The following RIMBP2 variants were observed in gnomAD, a reference collection of about 807,000 sequenced individuals.
RIMBP2 encodes RIMS-binding protein 2.
RIMBP2 carries 48 observed loss-of-function variants against 118.6 expected under a neutral mutation model. The ratio of observed to expected loss-of-function variants is 0.40; its 90% CI spans 0.32 to 0.51. The LOEUF (loss-of-function observed/expected upper bound fraction) is 0.51, where lower values mean the gene tolerates loss of function less well. RIMBP2 is among the 20% of genes least tolerant of loss of function. The probability of loss-of-function intolerance (pLI) is 0.41; values close to 1 mark genes in which losing one functional copy is unlikely to be tolerated. For synonymous variants in RIMBP2, 762 were observed against 742.9 expected, an observed-to-expected ratio of 1.03 and a Z score of -0.42; for missense variants, 1,551 against 1,768.3, an observed-to-expected ratio of 0.88 and a Z score of 2.20.
intron 2 of RIMBP2, among the ~76,000 whole-genome samples, chr12:130,522,057 A>T (rs963968081): frequency 2.6e-5 from 4 of 152,236 alleles, no homozygotes; most frequent in African/African-American, 9.6e-5. Flanking sequence ...CCATCAGAGC[A>T]TTCTGGGATT....
At chr12:130,664,813 T>A (rs1359126983) in intron 1 of RIMBP2, among the ~76,000 whole-genome samples, 1 of 151,660 alleles carries the variant, frequency 6.6e-6, no homozygotes, top group Non-Finnish European at 1.5e-5. Context: ...AACCTTGGAA[T>A]AAAATAAGAA....
chr12:130,502,733 G>T (rs902328200), intron 4 of RIMBP2, among the ~76,000 whole-genome samples: 74 of 152,326 alleles, frequency 4.9e-4, no homozygotes, highest in African/African-American at 1.8e-3. Flanking sequence ...GCAGTTGAAT[G>T]TTGAGGTCTA....
chr12:130,615,993 C>T (rs1235185589), intron 2 of RIMBP2, among the ~76,000 whole-genome samples: 3 of 152,120 alleles, frequency 2.0e-5, no homozygotes, highest in African/African-American at 7.2e-5. Flanking sequence ...TTTGCTTTTT[C>T]ACCTCTGGCA....
rs896215475 is a variant in RIMBP2, at chr12:130,581,086, C to T, written c.-217+47236G>A. Among the ~76,000 whole-genome samples, 1 of 152,206 alleles carries T rather than the reference C, an allele frequency of 6.6e-6. No homozygotes were observed. Among genetic ancestry groups the T allele is most frequent in the Non-Finnish European group, 1.5e-5 (1 of 68,040 alleles). On this transcript the variant is annotated intron_variant, in intron 2 of 22. Transcript: ENST00000690449. The surrounding 1 kb of genome is among the most constrained non-coding windows in gnomAD (Gnocchi z 4.4). ...GTGGCCGCACCCTCATCCTGCCCTT[C>T]ACCTGCTCATATTCATGGGCCAGGC...
At chr12:130,527,318 T>A (rs935902270) in intron 2 of RIMBP2, among the ~76,000 whole-genome samples, 3 of 152,214 alleles carry the variant, frequency 2.0e-5, no homozygotes, top group African/African-American at 7.2e-5. Flanking sequence ...TTTCCCAGTG[T>A]CGGGGGAGGG....
intron 2 of RIMBP2, among the ~76,000 whole-genome samples, chr12:130,571,356 C>T (rs1479207390): frequency 2.0e-5 from 3 of 151,450 alleles, no homozygotes; most frequent in Non-Finnish European, 4.4e-5. Flanking sequence ...TTTTTGACCA[C>T]GTGTTCGCTG....
rs1566439298 is a variant in RIMBP2 at position 130,664,447 on chromosome 12, G to GCACACACACGTGCATGCACA, written c.-351-35992_-351-35991insTGTGCATGCACGTGTGTGTG. ...CACACACATGCATGCACGCACACAC[G>GCACACACACGTGCATGCACA]CACACACATGCACGCACACACACGC... On this transcript the variant is annotated intron_variant, in intron 1 of 22. Transcript: ENST00000690449. 4.1e-3 allele frequency among the ~76,000 whole-genome samples: 499 copies of GCACACACACGTGCATGCACA among 122,448 alleles called. 12 individuals carry two copies. The highest frequency in any genetic ancestry group is 6.8e-3 in the Non-Finnish European group (380 of 55,984). 80.3% of individuals were successfully genotyped at this position (122,448 alleles called of 152,430 possible). A position where few individuals can be genotyped will look rare whatever the true frequency, so the allele number is the denominator to read the frequency against.
chr12:130,682,367 G>A (rs531425819), intron 1 of RIMBP2, among the ~76,000 whole-genome samples: 2 of 152,332 alleles, frequency 1.3e-5, no homozygotes, highest in South Asian at 2.1e-4. Flanking sequence ...ACCACGTGGA[G>A]GAAGCCACTC....
intron 4 of RIMBP2, among the ~76,000 whole-genome samples, chr12:130,488,759 G>T (rs2082686704): frequency 6.6e-6 from 1 of 152,174 alleles, no homozygotes; most frequent in Non-Finnish European, 1.5e-5. Context: ...ATGAGAGATG[G>T]GTCAGGGAAG....
chr12:130,659,835 A>T (rs1454467480), intron 1 of RIMBP2, among the ~76,000 whole-genome samples: 6 of 151,946 alleles, frequency 3.9e-5, no homozygotes, highest in African/African-American at 1.2e-4. Context: ...TTAGCCAGGC[A>T]TGGTGGCATG....
chr12:130,444,365 A>G (rs1177880997), intron 10 of RIMBP2, among the ~76,000 whole-genome samples: 2 of 152,150 alleles, frequency 1.3e-5, no homozygotes, highest in Non-Finnish European at 2.9e-5. Context: ...AACACCCAGG[A>G]AAAGCACCTG....
Position 130,424,729 on chromosome 12 carries a change from G to A in RIMBP2, c.2542C>T (p.Leu848=). Reference sequence around the variant, plus strand: ...GACGGCCCTGCACCCTGCTTGTGTAGCAGCCCACAGCACTCTCCGTCCTCT... The same window carrying A: ...GACGGCCCTGCACCCTGCTTGTGTAACAGCCCACAGCACTCTCCGTCCTCT... The part of the protein sequence containing the change: ...AEEDGECCGL[L]HKQGAGPSPR... The change falls in exon 16 of 23, where the codon CTA becomes TTA. Residue 848 remains leucine (L), a synonymous_variant. Coordinates refer to ENST00000690449, the MANE Select transcript of RIMBP2 (RefSeq NM_001393629.1). The surrounding 1 kb of genome is among the most constrained non-coding windows in gnomAD (Gnocchi z 9.8). 2.4e-6 allele frequency: 3 copies of A among 1,232,256 alleles called. No individual in the cohort carries two copies. The highest frequency in any genetic ancestry group is 2.0e-6 in the Non-Finnish European group (2 of 988,050). The allele number at this position is 1,232,256 out of a possible 1,614,324, so 76.3% of individuals were successfully genotyped here.
At chr12:130,682,696 A>G (rs2064852822) in intron 1 of RIMBP2, among the ~76,000 whole-genome samples, 1 of 152,208 alleles carries the variant, frequency 6.6e-6, no homozygotes, top group South Asian at 2.1e-4. Flanking sequence ...ACTTTGTGAC[A>G]CTGAGCTGTG....
At chr12:130,493,274 C>T (rs35335090) in intron 4 of RIMBP2, among the ~76,000 whole-genome samples, 6,861 of 152,180 alleles carry the variant, frequency 0.045, 207 homozygotes, top group South Asian at 0.15. Flanking sequence ...TTTGATCTCC[C>T]CTTTCCTGCC....
chr12:130,592,968 C>G (rs2059361822), intron 2 of RIMBP2, among the ~76,000 whole-genome samples: 2 of 152,194 alleles, frequency 1.3e-5, no homozygotes, highest in Non-Finnish European at 2.9e-5. Context: ...GTCAGACCCA[C>G]AAACCTGGTC....
chr12:130,664,419 A>ACGCACG (rs2063808426), intron 1 of RIMBP2, among the ~76,000 whole-genome samples: 3 of 105,564 alleles, frequency 2.8e-5, no homozygotes, highest in African/African-American at 9.1e-5. Context: ...ACGCACACAC[A>ACGCACG]CGCACACACA....
chr12:130,618,590 C>A (rs1427919488), intron 2 of RIMBP2, among the ~76,000 whole-genome samples: 1 of 152,130 alleles, frequency 6.6e-6, no homozygotes, highest in Non-Finnish European at 1.5e-5. Flanking sequence ...GTGCTGTGGG[C>A]TCCCAGGAGT....
chr12:130,411,501 A>G (rs1480241706), intron 19 of RIMBP2, among the ~76,000 whole-genome samples: 1 of 152,190 alleles, frequency 6.6e-6, no homozygotes. Flanking sequence ...CAGGGGGCAC[A>G]TAGATATATC....
intron 4 of RIMBP2, among the ~76,000 whole-genome samples, chr12:130,495,617 C>G (rs139908599): frequency 6.6e-6 from 1 of 152,332 alleles, no homozygotes; most frequent in Admixed American, 6.5e-5. Flanking sequence ...TAACCTTGGA[C>G]TTGCTCCTCG....
Sources: gnomAD v4.1 joint callset for allele counts (sites outside exome capture counted in the v4.1 genomes callset) on GRCh38, gnomAD v4.1.1 for gene constraint, Gnocchi (gnomAD v3.1) non-coding constraint, MANE v1.5 for transcripts, NCBI Gene and HGNC (gene_info 2026-07-23, HGNC 2026-07-21) for gene names.